FUCA2: variants seen among roughly 807,000 people sequenced by gnomAD.
The protein encoded by FUCA2 is alpha-L-fucosidase 2.
In FUCA2, 41 loss-of-function variants were observed where a neutral mutation model predicts 52.6. The ratio of observed to expected loss-of-function variants is 0.78; its 90% CI spans 0.61 to 1.01. FUCA2 has a LOEUF of 1.01. Ranked by LOEUF, FUCA2 falls within the 50% of genes least tolerant of loss-of-function variation. The pLI, the probability that FUCA2 is intolerant of heterozygous loss-of-function variation, is 0.00. For missense variants in FUCA2, 507 were observed against 569.5 expected (o/e 0.89, Z 1.12); for synonymous variants, 211 against 217.3 (o/e 0.97, Z 0.26).
chr6:143,503,766 T>C lies in FUCA2; in HGVS notation c.752+147A>G, dbSNP rs146652220. On this transcript the variant is annotated intron_variant, in intron 3 of 6. Coordinates refer to ENST00000002165, the MANE Select transcript of FUCA2 (RefSeq NM_032020.5). This position sits in a 1 kb window ranked among gnomAD's most constrained non-coding sequence, Gnocchi z 4.8. The stretch of plus-strand genomic sequence containing the variant: ...TGATTATGTTGAGTAAATAGTGATA[T>C]ATCTAATAAGTATTATTTACAATGA... The C allele has an allele frequency of 8.8e-3, 5,394 of 611,178 alleles. 29 individuals are homozygous for C. The highest frequency in any genetic ancestry group is 0.013 in the Non-Finnish European group (4,483 of 358,472). The allele number at this position is 611,178 out of a possible 1,614,324, so 37.9% of individuals were successfully genotyped here. A position where few individuals can be genotyped will look rare whatever the true frequency, so the allele number is the denominator to read the frequency against.
Position 143,501,587 on chromosome 6 carries a change from C to T in FUCA2, c.1154+345G>A, listed in dbSNP as rs1051523436. On this transcript the variant is annotated intron_variant, in intron 5 of 6. Coordinates refer to ENST00000002165, the MANE Select transcript of FUCA2 (RefSeq NM_032020.5). This position sits in a 1 kb window ranked among gnomAD's most constrained non-coding sequence, Gnocchi z 6.1. Reference sequence around the variant, plus strand: ...AACATCTGCAAAAGTCAGAATTTACCGAACTGGTTAAACAGTAATCTCCGT... The same window carrying T: ...AACATCTGCAAAAGTCAGAATTTACTGAACTGGTTAAACAGTAATCTCCGT... 7.2e-5 allele frequency among the ~76,000 whole-genome samples: 11 copies of T among 152,124 alleles called. No individual in the cohort carries two copies. Among genetic ancestry groups the T allele is most frequent in the African/African-American group, 2.7e-4 (11 of 41,414 alleles).
In FUCA2 at chr6:143,497,478, CT is replaced by C. The variant is rs757396957; in HGVS notation, c.1173del (p.Glu392LysfsTer3). 1 of 1,612,204 alleles carries C rather than the reference CT, an allele frequency of 6.2e-7. No individual in the cohort carries two copies. The highest frequency in any genetic ancestry group is 1.1e-5 in the South Asian group (1 of 90,970). On this transcript the variant is annotated frameshift_variant, in exon 6 of 7. Transcript: ENST00000002165. LOFTEE classifies it high-confidence loss of function. The surrounding 1 kb of genome is among the most constrained non-coding windows in gnomAD (Gnocchi z 5.3). Reference protein sequence around the residue: ...TPDVWYTSKPKEKLVYAIFLK... With the variant: ...TPDVWYTSKPXEKLVYAIFLK... ...AGAAAAATGGCATAGACTAATTTTT[CT>C]TTAGGCTTGGATGTGTACCTGGTTA...
rs1401840833 is a variant in FUCA2, at chr6:143,500,272, A to C, written c.1154+1660T>G. Among the ~76,000 whole-genome samples, 1 of 152,182 alleles carries C rather than the reference A, an allele frequency of 6.6e-6. No individual in the cohort carries two copies. The highest frequency in any genetic ancestry group is 1.5e-5 in the Non-Finnish European group (1 of 68,036). ...AGAGAAAAGATGATAGGATTAAAAG[A>C]TAGTATGATCACTGGATTATAGATC... On this transcript the variant is annotated intron_variant, in intron 5 of 6. Coordinates refer to ENST00000002165, the MANE Select transcript of FUCA2 (RefSeq NM_032020.5). This position sits in a 1 kb window ranked among gnomAD's most constrained non-coding sequence, Gnocchi z 6.9.
At position 143,510,061 on chromosome 6, in the gene FUCA2, A is replaced by G. The variant is rs1206857246; in HGVS notation, c.224+1350T>C. ...AACATCCTAAGCTTCAAAGACAAGA[A>G]GTAGAATACTGTACAGAACTTGCTA... On this transcript the variant is annotated intron_variant, in intron 1 of 6. Transcript: ENST00000002165. This position sits in a 1 kb window ranked among gnomAD's most constrained non-coding sequence, Gnocchi z 4.4. Among the ~76,000 whole-genome samples the G allele has an allele frequency of 6.6e-6, 1 of 152,204 alleles. No homozygotes were observed. Among genetic ancestry groups the G allele is most frequent in the East Asian group, 1.9e-4 (1 of 5,202 alleles).
At position 143,504,147 on chromosome 6, in the gene FUCA2, G is replaced by T; in HGVS notation, c.518C>A (p.Thr173Asn). 1 of 1,614,176 alleles carries T rather than the reference G, an allele frequency of 6.2e-7. No homozygotes were observed. Among genetic ancestry groups the T allele is most frequent in the Non-Finnish European group, 8.5e-7 (1 of 1,180,010 alleles). Reference sequence around the variant, plus strand: ...ATAGTACAGTCCAAAACGCAGGTCAGTTCTGTTCCTAATGGCTACCTCAAG... The same window carrying T: ...ATAGTACAGTCCAAAACGCAGGTCATTTCTGTTCCTAATGGCTACCTCAAG... Reference protein sequence around the residue: ...KELEVAIRNRTDLRFGLYYSL... With the variant: ...KELEVAIRNRNDLRFGLYYSL... Residue 173 changes from threonine to asparagine, a missense_variant, in exon 3 of 7, where the codon ACT becomes AAT. Transcript: ENST00000002165. This position sits in a 1 kb window ranked among gnomAD's most constrained non-coding sequence, Gnocchi z 4.4.
At position 143,507,301 on chromosome 6, in the gene FUCA2, C is replaced by T; in HGVS notation, c.348G>A (p.Gln116=). ...LFTAKFFNAN[Q]WADIFQASGA... ...CAGAGGCCTGAAAAATATCTGCCCA[C>T]TGGTTGGCATTAAAAAATTTTGCTG... The change falls in exon 2 of 7, where the codon CAG becomes CAA. Residue 116 remains glutamine (Q), a synonymous_variant. Transcript: ENST00000002165. This position sits in a 1 kb window ranked among gnomAD's most constrained non-coding sequence, Gnocchi z 4.5. 6.2e-7 allele frequency: 1 copy of T among 1,607,228 alleles called. No individual in the cohort carries two copies. Among genetic ancestry groups the T allele is most frequent in the Non-Finnish European group, 8.5e-7 (1 of 1,177,816 alleles).
chr6:143,497,912 A>G lies in FUCA2; in HGVS notation c.1155-415T>C, dbSNP rs1177441060. ...TGCTCAGTGTTAGAGTTACAATAAA[A>G]AACAAAACACACATAGTCCTTGTTC... On this transcript the variant is annotated intron_variant, in intron 5 of 6. Coordinates refer to ENST00000002165, the MANE Select transcript of FUCA2 (RefSeq NM_032020.5). The surrounding 1 kb of genome is among the most constrained non-coding windows in gnomAD (Gnocchi z 5.3). 2.0e-5 allele frequency among the ~76,000 whole-genome samples: 3 copies of G among 152,346 alleles called. No homozygotes were observed. The highest frequency in any genetic ancestry group is 4.4e-5 in the Non-Finnish European group (3 of 68,028).
chr6:143,504,384 T>A lies in FUCA2; in HGVS notation c.413-132A>T. ...TACCTGCTCCTACAAATGACTGTTT[T>A]ATGGCCATTTTTTCATAGCATATAT... is the stretch of plus-strand genomic sequence containing the variant. On this transcript the variant is annotated intron_variant, in intron 2 of 6. Transcript: ENST00000002165. This position sits in a 1 kb window ranked among gnomAD's most constrained non-coding sequence, Gnocchi z 4.4. 1 of 734,194 alleles carries A rather than the reference T, an allele frequency of 1.4e-6. No individual in the cohort carries two copies. The highest frequency in any genetic ancestry group is 1.8e-5 in the African/African-American group (1 of 56,530). 45.5% of individuals were successfully genotyped at this position (734,194 alleles called of 1,614,324 possible). A position where few individuals can be genotyped will look rare whatever the true frequency, so the allele number is the denominator to read the frequency against.
chr6:143,504,219 T>C lies in FUCA2; in HGVS notation c.446A>G (p.Asn149Ser). The C allele has an allele frequency of 2.5e-6, 4 of 1,614,104 alleles. No homozygotes were observed. Among genetic ancestry groups the C allele is most frequent in the Non-Finnish European group, 2.5e-6 (3 of 1,179,986 alleles). The change falls in exon 3 of 7, where the codon AAC becomes AGC. Residue 149 changes from asparagine (N) to serine (S), a missense_variant. Coordinates refer to ENST00000002165, the MANE Select transcript of FUCA2 (RefSeq NM_032020.5). The surrounding 1 kb of genome is among the most constrained non-coding windows in gnomAD (Gnocchi z 4.4). ...GGGCCCCTCATCTATGGCATTCCAGTTCCACGAATATTCTGACCCCCACAA... is the reference window on the plus strand; with the variant it reads ...GGGCCCCTCATCTATGGCATTCCAGCTCCACGAATATTCTGACCCCCACAA... ...FTLWGSEYSW[N>S]WNAIDEGPKR...
rs1162916216 is a variant in FUCA2, at chr6:143,495,022, A to AT, written c.*684dup. On this transcript the variant is annotated 3_prime_UTR_variant, in exon 7 of 7. Transcript: ENST00000002165. The surrounding 1 kb of genome is among the most constrained non-coding windows in gnomAD (Gnocchi z 5.2). ...GTTCAATAATGTCCTAGGCCTTCAC[A>AT]TTCACTCACTGACTCACCCAGAGCA... The AT allele has an allele frequency of 6.5e-6, 1 of 152,906 alleles. No individual in the cohort carries two copies. Among genetic ancestry groups the AT allele is most frequent in the African/African-American group, 2.4e-5 (1 of 41,456 alleles). 9.5% of individuals were successfully genotyped at this position (152,906 alleles called of 1,614,324 possible). A position where few individuals can be genotyped will look rare whatever the true frequency, so the allele number is the denominator to read the frequency against.
rs746659466 is a variant in FUCA2, at chr6:143,500,542, A to G, written c.1154+1390T>C. Among the ~76,000 whole-genome samples the G allele has an allele frequency of 3.9e-5, 6 of 152,132 alleles. No homozygotes were observed. The highest frequency in any genetic ancestry group is 7.4e-5 in the Non-Finnish European group (5 of 68,022). ...GTGGGTGGAGCTAGTCTACAGCAAA[A>G]ATTTAAAACTCAGGGCTTCAGTTGT... On this transcript the variant is annotated intron_variant, in intron 5 of 6. Coordinates refer to ENST00000002165, the MANE Select transcript of FUCA2 (RefSeq NM_032020.5). This position sits in a 1 kb window ranked among gnomAD's most constrained non-coding sequence, Gnocchi z 6.9.
chr6:143,511,419 C>G lies in FUCA2; in HGVS notation c.216G>C (p.Glu72Asp). 1 of 1,611,096 alleles carries G rather than the reference C, an allele frequency of 6.2e-7. No homozygotes were observed. Among genetic ancestry groups the G allele is most frequent in the Non-Finnish European group, 8.5e-7 (1 of 1,178,402 alleles). The change falls in exon 1 of 7, where the codon GAG becomes GAC. Residue 72 changes from glutamate to aspartate, a missense_variant. Physicochemically the swap from Glu to Asp is conservative, Grantham distance 45. Transcript: ENST00000002165. The surrounding 1 kb of genome is among the most constrained non-coding windows in gnomAD (Gnocchi z 6.3). ...GVFSVPSFGSEWFWWYWQKEK... is the reference protein window; with the variant it reads ...GVFSVPSFGSDWFWWYWQKEK... The stretch of plus-strand genomic sequence containing the variant: ...AAAGGGAGCGCACTCACCAGAACCA[C>G]TCGCTACCGAAGCTGGGCACGGAAA...
In FUCA2 at chr6:143,497,421, C is replaced by G. The variant is rs752451979; in HGVS notation, c.1231G>C (p.Gly411Arg). Residue 411 changes from glycine (G) to arginine (R), a missense_variant, in exon 6 of 7, where the codon GGC becomes CGC. By Grantham distance (125) the Gly-to-Arg change is moderately radical. Transcript: ENST00000002165. The surrounding 1 kb of genome is among the most constrained non-coding windows in gnomAD (Gnocchi z 5.3). Reference protein sequence around the residue: ...KWPTSGQLFLGHPKAILGATE... With the variant: ...KWPTSGQLFLRHPKAILGATE... Reference sequence around the variant, plus strand: ...GCCCCCAGAATAGCTTTGGGATGGCCAAGGAACAGCTGTCCTGATGTGGGC... The same window carrying G: ...GCCCCCAGAATAGCTTTGGGATGGCGAAGGAACAGCTGTCCTGATGTGGGC... 5.6e-6 allele frequency: 9 copies of G among 1,613,714 alleles called. No homozygotes were observed. The highest frequency in any genetic ancestry group is 4.4e-5 in the South Asian group (4 of 91,064).
intron 2 of FUCA2, chr6:143,505,075 T>G (rs1296008617): frequency 6.6e-6 from 1 of 152,188 alleles, no homozygotes; most frequent in East Asian, 1.9e-4. Flanking sequence ...GTATTTAGAT[T>G]ACTGATTGTT....
Position 143,504,022 on chromosome 6 carries a change from CAT to C in FUCA2, c.641_642del (p.Tyr214Ter). The C allele has an allele frequency of 1.9e-6, 3 of 1,614,126 alleles. No homozygotes were observed. The highest frequency in any genetic ancestry group is 2.5e-6 in the Non-Finnish European group (3 of 1,180,026). ...FPVSKTLPEL[Y>X]ELVNNYQPEV... ...TCAGGCTGATAGTTGTTCACTAACTCATAGAGCTCTGGCAATGTCTTAGAAAC... is the reference window on the plus strand; with the variant it reads ...TCAGGCTGATAGTTGTTCACTAACTCAGAGCTCTGGCAATGTCTTAGAAAC... On this transcript the variant is annotated frameshift_variant, in exon 3 of 7. Coordinates refer to ENST00000002165, the MANE Select transcript of FUCA2 (RefSeq NM_032020.5). LOFTEE classifies it high-confidence loss of function. The surrounding 1 kb of genome is among the most constrained non-coding windows in gnomAD (Gnocchi z 4.4).
Position 143,511,467 on chromosome 6 carries a change from G to T in FUCA2, c.168C>A (p.Gly56=). The change falls in exon 1 of 7, where the codon GGC becomes GGA. Residue 56 remains glycine (G), a synonymous_variant. Coordinates refer to ENST00000002165, the MANE Select transcript of FUCA2 (RefSeq NM_032020.5). The surrounding 1 kb of genome is among the most constrained non-coding windows in gnomAD (Gnocchi z 6.3). ...AAAACACTCCCCAGTGGATGAAGAT[G>T]CCGAACTTGGCCTGGTCAAACCACG... is the stretch of plus-strand genomic sequence containing the variant. ...LPAWFDQAKF[G]IFIHWGVFSV... The T allele has an allele frequency of 1.9e-6, 3 of 1,609,660 alleles. No homozygotes were observed. Among genetic ancestry groups the T allele is most frequent in the Non-Finnish European group, 2.5e-6 (3 of 1,178,066 alleles).
Position 143,502,609 on chromosome 6 carries a change from T to C in FUCA2, c.753-44A>G. The C allele has an allele frequency of 6.7e-7, 1 of 1,499,760 alleles. No homozygotes were observed. The highest frequency in any genetic ancestry group is 9.2e-7 in the Non-Finnish European group (1 of 1,092,686). The allele number at this position is 1,499,760 out of a possible 1,614,324, so 92.9% of individuals were successfully genotyped here. A position where few individuals can be genotyped will look rare whatever the true frequency, so the allele number is the denominator to read the frequency against. On this transcript the variant is annotated intron_variant, in intron 3 of 6. Transcript: ENST00000002165. This position sits in a 1 kb window ranked among gnomAD's most constrained non-coding sequence, Gnocchi z 4.1. ...TTTTTTAAAACAAAAGGTATAAGCT[T>C]TTTATACAAAAAGAAATGTCACTGA...
rs1398946569 is a variant in FUCA2, at chr6:143,507,138, G to A, written c.412+99C>T. 117 of 1,154,272 alleles carry A rather than the reference G, an allele frequency of 1.0e-4. No homozygotes were observed. Among genetic ancestry groups the A allele is most frequent in the Non-Finnish European group, 1.3e-4 (103 of 818,744 alleles). The allele number at this position is 1,154,272 out of a possible 1,614,324, so 71.5% of individuals were successfully genotyped here. A position where few individuals can be genotyped will look rare whatever the true frequency, so the allele number is the denominator to read the frequency against. On this transcript the variant is annotated intron_variant, in intron 2 of 6. Coordinates refer to ENST00000002165, the MANE Select transcript of FUCA2 (RefSeq NM_032020.5). This position sits in a 1 kb window ranked among gnomAD's most constrained non-coding sequence, Gnocchi z 4.5. ...GCCAGTCACCACTTATGGTTGCTCC[G>A]AAGAGAAAATTAGACCTTGCTTTAG...
chr6:143,502,160 T>C lies in FUCA2; in HGVS notation c.964-38A>G. 1 of 1,494,550 alleles carries C rather than the reference T, an allele frequency of 6.7e-7. No homozygotes were observed. The highest frequency in any genetic ancestry group is 9.1e-7 in the Non-Finnish European group (1 of 1,102,936). 92.6% of individuals were successfully genotyped at this position (1,494,550 alleles called of 1,614,324 possible). ...GAATAATGTTTTTAGATAAATAAAA[T>C]AATTCCATCTTTAATGTGCTAATAT... On this transcript the variant is annotated intron_variant, in intron 4 of 6. Transcript: ENST00000002165. The surrounding 1 kb of genome is among the most constrained non-coding windows in gnomAD (Gnocchi z 4.1).
Sources: gnomAD v4.1 joint callset for allele counts (sites outside exome capture counted in the v4.1 genomes callset) on GRCh38, gnomAD v4.1.1 for gene constraint, Gnocchi (gnomAD v3.1) non-coding constraint, MANE v1.5 for transcripts, NCBI Gene and HGNC (gene_info 2026-07-23, HGNC 2026-07-21) for gene names.